Variants in EBF1 observed in about 807,000 individuals in gnomAD.
EBF1 encodes transcription factor COE1.
In EBF1, 10 loss-of-function variants were observed where a neutral mutation model predicts 68.4. The observed-to-expected ratio is 0.15, with a 90% confidence interval of 0.09 to 0.25. EBF1 has a LOEUF of 0.25. Ranked by LOEUF, EBF1 falls within the 10% of genes least tolerant of loss-of-function variation. The pLI, the probability that EBF1 is intolerant of heterozygous loss-of-function variation, is 1.00. For missense variants in EBF1, 509 were observed against 794.4 expected (o/e 0.64, Z 4.32); for synonymous variants, 298 against 299.8 (o/e 0.99, Z 0.06).
intron 6 of EBF1, among the ~76,000 whole-genome samples, chr5:159,059,809 G>A (rs1221720864): frequency 6.6e-6 from 1 of 152,038 alleles, no homozygotes; most frequent in African/African-American, 2.4e-5. Context: ...CAAATTACAG[G>A]GTACTTAATG....
At chr5:158,998,304 C>T (rs1208810344) in intron 6 of EBF1, among the ~76,000 whole-genome samples, 1 of 152,122 alleles carries the variant, frequency 6.6e-6, no homozygotes, top group South Asian at 2.1e-4. Context: ...GCAACCTCCT[C>T]GACAAGGCTT....
chr5:158,736,246 A>G (rs1288784622), intron 10 of EBF1, among the ~76,000 whole-genome samples: 1 of 152,166 alleles, frequency 6.6e-6, no homozygotes, highest in East Asian at 1.9e-4. Context: ...CCTTTTAAAG[A>G]AGCCACTCCT....
intron 6 of EBF1, among the ~76,000 whole-genome samples, chr5:158,905,520 T>C (rs1804387899): frequency 6.6e-6 from 1 of 152,184 alleles, no homozygotes; most frequent in African/African-American, 2.4e-5. Flanking sequence ...ATTTACAGTA[T>C]TTACTTCAGG....
At position 159,001,719 on chromosome 5, in the gene EBF1, A is replaced by C. The variant is rs555335140; in HGVS notation, c.554+71677T>G. On this transcript the variant is annotated intron_variant, in intron 6 of 15. Coordinates refer to ENST00000313708, the MANE Select transcript of EBF1 (RefSeq NM_024007.5). ...AAAGTGCCCTCCCCAAAACAGATGAAGGTTCCTCCTCTCAGGGGCTATAGG... is the reference window on the plus strand; with the variant it reads ...AAAGTGCCCTCCCCAAAACAGATGACGGTTCCTCCTCTCAGGGGCTATAGG... Among the ~76,000 whole-genome samples, 9 of 152,342 alleles carry C rather than the reference A, an allele frequency of 5.9e-5. No homozygotes were observed. The South Asian group carries it at 1.9e-3, about 32-fold the overall frequency.
chr5:158,804,310 C>T (rs541602348), intron 8 of EBF1, among the ~76,000 whole-genome samples: 13 of 151,912 alleles, frequency 8.6e-5, no homozygotes, highest in Non-Finnish European at 1.9e-4. Context: ...CAATTTATGC[C>T]ATTTGCTAAT....
In EBF1 at chr5:158,969,510, T is replaced by C. The variant is rs532127040; in HGVS notation, c.554+103886A>G. 3.7e-4 allele frequency among the ~76,000 whole-genome samples: 53 copies of C among 143,624 alleles called. 1 individual carries two copies. Among genetic ancestry groups the C allele is most frequent in the Admixed American group, 2.3e-3 (30 of 13,312 alleles). 94.2% of individuals were successfully genotyped at this position (143,624 alleles called of 152,430 possible). On this transcript the variant is annotated intron_variant, in intron 6 of 15. Coordinates refer to ENST00000313708, the MANE Select transcript of EBF1 (RefSeq NM_024007.5). ...CGGGGGCTGTGGCTCATGCCTATAA[T>C]CCCAGCACTCTGGGAGGCCGAGGCA...
intron 7 of EBF1, among the ~76,000 whole-genome samples, chr5:158,832,782 C>G (rs1787874914): frequency 6.6e-6 from 1 of 152,154 alleles, no homozygotes; most frequent in Admixed American, 6.5e-5. Flanking sequence ...AGCAAAGATT[C>G]TCCAAAATTT....
chr5:158,776,385 G>T (rs1266636522), intron 10 of EBF1, among the ~76,000 whole-genome samples: 1 of 152,040 alleles, frequency 6.6e-6, no homozygotes, highest in Non-Finnish European at 1.5e-5. Flanking sequence ...GAAATACAAG[G>T]GAAAGATGCT....
intron 6 of EBF1, among the ~76,000 whole-genome samples, chr5:158,873,197 C>T (rs1452812739): frequency 1.3e-5 from 2 of 151,882 alleles, no homozygotes; most frequent in Non-Finnish European, 2.9e-5. Context: ...TTAGAAAAGC[C>T]GACTGACCAG....
intron 6 of EBF1, among the ~76,000 whole-genome samples, chr5:158,951,699 A>G (rs1245057163): frequency 6.6e-6 from 1 of 152,212 alleles, no homozygotes; most frequent in Non-Finnish European, 1.5e-5. Context: ...GGGGCTGGTG[A>G]TTCTCTGATT....
intron 5 of EBF1, among the ~76,000 whole-genome samples, chr5:159,077,370 C>T (rs1469052696): frequency 2.0e-5 from 3 of 152,080 alleles, no homozygotes; most frequent in South Asian, 2.1e-4. Context: ...ACCCGGGAAA[C>T]GGAGGTTACA....
At chr5:158,899,038 T>C (rs1802740178) in intron 6 of EBF1, among the ~76,000 whole-genome samples, 1 of 152,240 alleles carries the variant, frequency 6.6e-6, no homozygotes, top group African/African-American at 2.4e-5. Context: ...ACACACAGTA[T>C]ACTGTTCCCC....
intron 6 of EBF1, among the ~76,000 whole-genome samples, chr5:159,002,308 C>T (rs1447270178): frequency 6.6e-6 from 1 of 152,152 alleles, no homozygotes; most frequent in African/African-American, 2.4e-5. Flanking sequence ...CTTTCTAATT[C>T]TCCTTTCTAT....
At chr5:159,058,664 G>A (rs1464147843) in intron 6 of EBF1, among the ~76,000 whole-genome samples, 1 of 152,186 alleles carries the variant, frequency 6.6e-6, no homozygotes, top group Non-Finnish European at 1.5e-5. Context: ...TTTTCCCAGA[G>A]AATATGAACA....
At chr5:159,017,957 G>C (rs1300245902) in intron 6 of EBF1, among the ~76,000 whole-genome samples, 1 of 152,150 alleles carries the variant, frequency 6.6e-6, no homozygotes, top group East Asian at 1.9e-4. Flanking sequence ...TAAGCACCCA[G>C]TCGGTCTCTC....
intron 10 of EBF1, 27 bp from the exon 11 acceptor site, chr5:158,731,184 T>C (rs186847533): frequency 6.2e-7 from 1 of 1,605,774 alleles, no homozygotes; most frequent in Admixed American, 1.7e-5. Context: ...ACACAATTAG[T>C]ACATTTTCAA....
intron 6 of EBF1, among the ~76,000 whole-genome samples, chr5:158,904,791 G>A (rs1804197588): frequency 6.6e-6 from 1 of 152,132 alleles, no homozygotes; most frequent in South Asian, 2.1e-4. Flanking sequence ...GCACATGCTC[G>A]CCGGTCTGCC....
intron 6 of EBF1, among the ~76,000 whole-genome samples, chr5:159,016,331 GT>G (rs1013576592): frequency 3.3e-5 from 5 of 152,242 alleles, no homozygotes; most frequent in African/African-American, 1.2e-4. Context: ...ATCTTTCCAA[GT>G]TGTTTTTTTC....
intron 6 of EBF1, among the ~76,000 whole-genome samples, chr5:158,993,150 G>T (rs111298234): frequency 0.047 from 7,014 of 149,504 alleles, 245 homozygotes; most frequent in Non-Finnish European, 0.067. Flanking sequence ...GGGCTCAAGC[G>T]ATTCTCCTGC....
Sources: gnomAD v4.1 joint callset for allele counts (sites outside exome capture counted in the v4.1 genomes callset) on GRCh38, gnomAD v4.1.1 for gene constraint, MANE v1.5 for transcripts, NCBI Gene and HGNC (gene_info 2026-07-23, HGNC 2026-07-21) for gene names.